C5orf46: variants seen among roughly 807,000 people sequenced by gnomAD.
C5orf46 encodes the protein uncharacterized protein C5orf46.
In C5orf46, 9 loss-of-function variants were observed where a neutral mutation model predicts 8.9. That is an observed-to-expected ratio of 1.01 (90% CI 0.61 to 1.76). The LOEUF (loss-of-function observed/expected upper bound fraction) is 1.76, where lower values mean the gene tolerates loss of function less well. Among genes scored for constraint, C5orf46 ranks in the 40% most tolerant of loss-of-function variants. The pLI is 0.00. For missense variants in C5orf46, 98 were observed against 107.8 expected (o/e 0.91, Z 0.40); for synonymous variants, 47 against 41.4 (o/e 1.14, Z -0.52).
At chr5:147,891,287 T>C (rs1286790152), downstream of C5orf46, among the ~76,000 whole-genome samples, 2 of 152,142 alleles carry the variant, frequency 1.3e-5, no homozygotes, top group African/African-American at 2.4e-5. Context: ...AAAAATTCTA[T>C]GCAGATGAAA....
chr5:147,896,922 G>T, intron 3 of C5orf46, 62 bp downstream of exon 3: 2 of 722,684 alleles, frequency 2.8e-6, no homozygotes, highest in Non-Finnish European at 4.3e-6. Context: ...AAACTGGACA[G>T]ACTCTTTTTC....
chr5:147,893,949 A>G (rs1046572978), intron 3 of C5orf46, among the ~76,000 whole-genome samples: 16 of 151,168 alleles, frequency 1.1e-4, no homozygotes, highest in African/African-American at 3.4e-4. Context: ...AAAATTTTCC[A>G]TAAGACTTCA....
At chr5:147,886,764 T>C (rs1175466309) in intron 2 of C5orf46, 1 of 149,726 alleles carries the variant, frequency 6.7e-6, no homozygotes, top group East Asian at 1.9e-4. Flanking sequence ...TAATATCTAA[T>C]TATATTTTTT....
At chr5:147,888,477 G>A (rs978052443), downstream of C5orf46, among the ~76,000 whole-genome samples, 5 of 152,098 alleles carry the variant, frequency 3.3e-5, no homozygotes, top group African/African-American at 9.7e-5. Flanking sequence ...CCACCTTGAC[G>A]TTTCTTCATG....
downstream of C5orf46, among the ~76,000 whole-genome samples, chr5:147,888,527 G>A (rs1166025181): frequency 6.6e-6 from 1 of 152,126 alleles, no homozygotes; most frequent in Non-Finnish European, 1.5e-5. Context: ...TTTTGCAAAT[G>A]CCATTCACTC....
chr5:147,887,307 A>G (rs1757437671), intron 2 of C5orf46: 1 of 152,162 alleles, frequency 6.6e-6, no homozygotes, highest in Admixed American at 6.6e-5. Context: ...AGCACCTTCT[A>G]TTGCATTAAA....
chr5:147,904,221 G>A (rs372135774), intron 1 of C5orf46, among the ~76,000 whole-genome samples: 194 of 152,212 alleles, frequency 1.3e-3, no homozygotes, highest in Non-Finnish European at 1.9e-3. Flanking sequence ...GGTGCCTATC[G>A]TGCAGGTACT....
chr5:147,900,798 T>A (rs1757654829), intron 2 of C5orf46, among the ~76,000 whole-genome samples: 1 of 152,206 alleles, frequency 6.6e-6, no homozygotes, highest in South Asian at 2.1e-4. Context: ...CTTAGAGCAG[T>A]GGAAATTGAA....
intron 1 of C5orf46, among the ~76,000 whole-genome samples, chr5:147,905,078 TA>T (rs1261288494): frequency 1.3e-5 from 2 of 151,974 alleles, no homozygotes; most frequent in Admixed American, 6.6e-5. Context: ...AAAATGCTAT[TA>T]AAATATTAAA....
At chr5:147,891,947 G>C (rs1467563190), downstream of C5orf46, among the ~76,000 whole-genome samples, 1 of 140,600 alleles carries the variant, frequency 7.1e-6, no homozygotes, top group Non-Finnish European at 1.5e-5. Flanking sequence ...AAAACAGGAA[G>C]ACAGACAAAC....
In C5orf46 at chr5:147,897,055, G is replaced by C. The variant is rs1213227475; in HGVS notation, c.216-14C>G. On this transcript the variant is annotated splice_polypyrimidine_tract_variant and intron_variant, in intron 2 of 3. Transcript: ENST00000318315. ...TCCATAAATCCTCTTGAGAAAAAAAGAGAAAATAAGAATTACAATTGAGAC... is the reference window on the plus strand; with the variant it reads ...TCCATAAATCCTCTTGAGAAAAAAACAGAAAATAAGAATTACAATTGAGAC... 1.5e-6 allele frequency: 2 copies of C among 1,328,222 alleles called. No individual in the cohort carries two copies. The highest frequency in any genetic ancestry group is 2.0e-5 in the Admixed American group (1 of 50,316). 82.3% of individuals were successfully genotyped at this position (1,328,222 alleles called of 1,614,324 possible). A position where few individuals can be genotyped will look rare whatever the true frequency, so the allele number is the denominator to read the frequency against.
intron 2 of C5orf46, among the ~76,000 whole-genome samples, chr5:147,900,266 A>G (rs1757646606): frequency 1.3e-5 from 2 of 152,248 alleles, no homozygotes; most frequent in South Asian, 4.1e-4. Flanking sequence ...AAAAAAAAGC[A>G]CCTGTGAGTT....
intron 1 of C5orf46, among the ~76,000 whole-genome samples, chr5:147,905,175 A>G (rs1430692695): frequency 1.3e-5 from 2 of 152,210 alleles, no homozygotes; most frequent in Admixed American, 6.5e-5. Context: ...CTTTATTTAC[A>G]GTAACTACTT....
rs746111247 is a variant in C5orf46 at position 147,906,521 on chromosome 5, C to T, written c.-20G>A. On this transcript the variant is annotated 5_prime_UTR_variant, in exon 1 of 4. Coordinates refer to ENST00000318315, the MANE Select transcript of C5orf46 (RefSeq NM_206966.3). ...AGCCATTCTGGTAGCACGGGGTATT[C>T]GTGCAGATAAATTGTTCAGATACAT... 2.8e-5 allele frequency: 44 copies of T among 1,582,908 alleles called. No individual in the cohort carries two copies. The highest frequency in any genetic ancestry group is 1.7e-4 in the Middle Eastern group (1 of 6,026).
chr5:147,886,901 C>T (rs1757428774), intron 2 of C5orf46: 1 of 152,068 alleles, frequency 6.6e-6, no homozygotes, highest in South Asian at 2.1e-4. Flanking sequence ...ATTTTGATAA[C>T]TAGTCACACA....
chr5:147,900,929 A>C (rs1303313887), intron 2 of C5orf46, among the ~76,000 whole-genome samples: 1 of 152,210 alleles, frequency 6.6e-6, no homozygotes, highest in Non-Finnish European at 1.5e-5. Context: ...AGGCAAAAAT[A>C]ATATGTATTG....
chr5:147,894,869 G>A (rs1221381645), intron 3 of C5orf46, among the ~76,000 whole-genome samples: 1 of 151,914 alleles, frequency 6.6e-6, no homozygotes, highest in Non-Finnish European at 1.5e-5. Context: ...GACCATCATG[G>A]CCAACATGGT....
At chr5:147,891,245 A>T (rs1332802828), downstream of C5orf46, among the ~76,000 whole-genome samples, 1 of 152,218 alleles carries the variant, frequency 6.6e-6, no homozygotes, top group Non-Finnish European at 1.5e-5. Context: ...ATGAGATTAC[A>T]AGGAGATGAT....
At chr5:147,901,081 C>T (rs1193109872) in intron 2 of C5orf46, among the ~76,000 whole-genome samples, 1 of 152,120 alleles carries the variant, frequency 6.6e-6, no homozygotes, top group Non-Finnish European at 1.5e-5. Flanking sequence ...GAGAGGTTAT[C>T]TACTGTCTCT....
Sources: allele counts gnomAD v4.1 joint callset (sites outside exome capture counted in the v4.1 genomes callset), GRCh38; gene constraint gnomAD v4.1.1; transcripts MANE v1.5; gene names NCBI Gene and HGNC (gene_info 2026-07-23, HGNC 2026-07-21).